The following BTAF1 variants were observed in gnomAD, a reference collection of about 807,000 sequenced individuals.
BTAF1 encodes the protein TATA-binding protein-associated factor 172.
Under a neutral mutation model 227.1 loss-of-function variants are expected in BTAF1, and 38 were observed. That is an observed-to-expected ratio of 0.17 (90% CI 0.13 to 0.22). The LOEUF is 0.22. Among genes scored for constraint, BTAF1 ranks in the 10% least tolerant of loss-of-function variants. BTAF1 has a pLI of 1.00. For missense variants in BTAF1, 1,598 were observed against 2,204.0 expected, an observed-to-expected ratio of 0.73 and a Z score of 5.51; for synonymous variants, 742 against 751.9, an observed-to-expected ratio of 0.99 and a Z score of 0.21.
intron 11 of BTAF1, 89 bp downstream of exon 11, chr10:91,960,243 T>C: frequency 9.5e-6 from 13 of 1,372,610 alleles, no homozygotes; most frequent in Non-Finnish European, 1.3e-5. Flanking sequence ...GGCCGTAGAT[T>C]CTTACTGTTA....
intron 2 of BTAF1, among the ~76,000 whole-genome samples, chr10:91,937,549 A>G (rs1200859033): frequency 2.6e-5 from 4 of 152,316 alleles, no homozygotes; most frequent in East Asian, 1.9e-4. Flanking sequence ...TTTATATAAA[A>G]TGAATTGTAA....
At chr10:92,011,915 T>C (rs1850316319) in intron 30 of BTAF1, among the ~76,000 whole-genome samples, 1 of 152,012 alleles carries the variant, frequency 6.6e-6, no homozygotes, top group Non-Finnish European at 1.5e-5. Flanking sequence ...TCCAGAAGAA[T>C]TGGTTGCAAA....
chr10:91,964,639 T>G (rs948937211), intron 13 of BTAF1, among the ~76,000 whole-genome samples: 1 of 152,150 alleles, frequency 6.6e-6, no homozygotes, highest in Non-Finnish European at 1.5e-5. Context: ...CTCTTGTTCT[T>G]GATTTCAGTA....
intron 32 of BTAF1, 118 bp from the exon 33 acceptor site, chr10:92,016,222 G>A: frequency 8.2e-7 from 1 of 1,225,036 alleles, no homozygotes; most frequent in Non-Finnish European, 1.1e-6. Flanking sequence ...ATCACAATTT[G>A]TTTTCATTAA....
chr10:91,944,270 A>G (rs1003873051), intron 4 of BTAF1, among the ~76,000 whole-genome samples: 1 of 152,182 alleles, frequency 6.6e-6, no homozygotes, highest in Non-Finnish European at 1.5e-5. Flanking sequence ...CTTGCTGAAC[A>G]GTGCTTGTTT....
intron 4 of BTAF1, among the ~76,000 whole-genome samples, chr10:91,947,569 A>G (rs1041478275): frequency 1.3e-5 from 2 of 152,148 alleles, no homozygotes; most frequent in Non-Finnish European, 2.9e-5. Flanking sequence ...ATTGATGTCT[A>G]TTCTTACGCG....
At chr10:91,957,849 A>T (rs1341856286) in intron 8 of BTAF1, among the ~76,000 whole-genome samples, 1 of 152,148 alleles carries the variant, frequency 6.6e-6, no homozygotes, top group Non-Finnish European at 1.5e-5. Flanking sequence ...GTCATAACTC[A>T]TGGGGTGTTA....
chr10:91,969,162 A>G (rs899916611), intron 14 of BTAF1, among the ~76,000 whole-genome samples: 1 of 147,292 alleles, frequency 6.8e-6, no homozygotes, highest in Non-Finnish European at 1.5e-5. Flanking sequence ...TGTATATTTT[A>G]GATACAGTTT....
intron 25 of BTAF1, among the ~76,000 whole-genome samples, chr10:92,005,962 C>G (rs1304300262): frequency 6.6e-6 from 1 of 151,882 alleles, no homozygotes; most frequent in Non-Finnish European, 1.5e-5. Context: ...GCCTCAGCCT[C>G]TCCTGGACTC....
Position 92,009,046 on chromosome 10 carries a change from A to G in BTAF1, c.3941A>G (p.Gln1314Arg), listed in dbSNP as rs750366435. The change falls in exon 28 of 38, where the codon CAG becomes CGG. Residue 1314 changes from glutamine to arginine, a missense_variant. Transcript: ENST00000265990. Reference sequence around the variant, plus strand: ...TGTGTTTTGCTATTGTAAAGGGCCCAGGAATATGCAAGATCAAAATTAGCA... The same window carrying G: ...TGTGTTTTGCTATTGTAAAGGGCCCGGGAATATGCAAGATCAAAATTAGCA... ...ILAGDHCHRA[Q>R]EYARSKLAEC... 2.5e-6 allele frequency: 4 copies of G among 1,614,084 alleles called. No individual in the cohort carries two copies. In the South Asian group the frequency reaches 4.4e-5, roughly 18 times the overall value.
At chr10:91,970,713 A>G (rs1033210633) in intron 14 of BTAF1, among the ~76,000 whole-genome samples, 8 of 152,198 alleles carry the variant, frequency 5.3e-5, no homozygotes, top group African/African-American at 1.9e-4. Context: ...CTTACCTTGG[A>G]AAAGTTTACA....
chr10:91,926,384 T>G (rs1447620036), intron 1 of BTAF1, among the ~76,000 whole-genome samples: 1 of 152,240 alleles, frequency 6.6e-6, no homozygotes, highest in East Asian at 1.9e-4. Flanking sequence ...AGTACCATTA[T>G]TCCCTCAATT....
At chr10:91,928,772 C>A (rs1343242737) in intron 1 of BTAF1, among the ~76,000 whole-genome samples, 1 of 112,672 alleles carries the variant, frequency 8.9e-6, no homozygotes, top group Non-Finnish European at 1.9e-5. Flanking sequence ...CCCCCCCCCC[C>A]CGCCCCCCAA....
chr10:91,993,953 C>G, intron 22 of BTAF1, 106 bp downstream of exon 22: 1 of 820,062 alleles, frequency 1.2e-6, no homozygotes, highest in Non-Finnish European at 1.7e-6. Context: ...CCTGTTTATT[C>G]CAGACCAGCT....
intron 34 of BTAF1, among the ~76,000 whole-genome samples, chr10:92,022,000 C>T (rs1851170797): frequency 6.6e-6 from 1 of 152,276 alleles, no homozygotes; most frequent in South Asian, 2.1e-4. Context: ...TCTGGGGTGT[C>T]AGCTGACCTC....
chr10:92,020,461 A>G (rs2421795), intron 34 of BTAF1, among the ~76,000 whole-genome samples: 2,056 of 152,280 alleles, frequency 0.014, 48 homozygotes, highest in African/African-American at 0.045. Flanking sequence ...GACTTTAGTA[A>G]TTGTTTTAGC....
chr10:91,962,676 A>G lies in BTAF1; in HGVS notation c.1402A>G (p.Lys468Glu). The change falls in exon 12 of 38, where the codon AAG (lysine) becomes GAG (glutamate). Residue 468 changes from lysine to glutamate, a missense_variant and splice_region_variant. Around this residue, in one of 10 missense-constraint regions of BTAF1, gnomAD observed 318 missense variants for 435.0 expected, o/e 0.73. Coordinates refer to ENST00000265990, the MANE Select transcript of BTAF1 (RefSeq NM_003972.3). ...VESLVYLQTQKVPFIINTLWD... is the reference protein window; with the variant it reads ...VESLVYLQTQEVPFIINTLWD... ...AAGCCTTGTCTATCTTCAGACACAA[A>G]AGGTAAATTAAATATTTTTACAGTT... The G allele has an allele frequency of 1.9e-6, 3 of 1,584,860 alleles. No homozygotes were observed. Among genetic ancestry groups the G allele is most frequent in the Non-Finnish European group, 2.6e-6 (3 of 1,169,526 alleles).
At chr10:91,939,056 A>G (rs927383243) in intron 2 of BTAF1, among the ~76,000 whole-genome samples, 7 of 151,428 alleles carry the variant, frequency 4.6e-5, no homozygotes, top group South Asian at 2.1e-4. Flanking sequence ...TTACTGTTGT[A>G]ACAATCTGAA....
At chr10:92,001,828 C>T (rs1428581312) in intron 25 of BTAF1, among the ~76,000 whole-genome samples, 1 of 151,352 alleles carries the variant, frequency 6.6e-6, no homozygotes, top group East Asian at 1.9e-4. Flanking sequence ...AAATATACTC[C>T]AAGGCTGAGT....
Sources: gnomAD v4.1 joint callset for allele counts (sites outside exome capture counted in the v4.1 genomes callset) on GRCh38, gnomAD v4.1.1 for gene constraint, gnomAD v4.1.1 regional missense constraint, MANE v1.5 for transcripts, NCBI Gene and HGNC (gene_info 2026-07-23, HGNC 2026-07-21) for gene names.